Variants in TNFSF10 observed in about 807,000 individuals in gnomAD.
TNFSF10 encodes the protein TNF superfamily member 10, also known as tumor necrosis factor ligand superfamily member 10.
A neutral mutation model predicts 29.5 loss-of-function variants in TNFSF10; 13 were observed. The ratio of observed to expected loss-of-function variants is 0.44; its 90% confidence interval spans 0.29 to 0.70. The LOEUF is 0.70. TNFSF10 is among the 30% of genes least tolerant of loss of function. The pLI, the probability that TNFSF10 is intolerant of heterozygous loss-of-function variation, is 0.13. For synonymous variants in TNFSF10, 111 were observed against 112.8 expected (o/e 0.98, Z 0.10); for missense variants, 345 against 330.9 (o/e 1.04, Z -0.33).
intron 2 of TNFSF10, among the ~76,000 whole-genome samples, chr3:172,513,476 C>A (rs1007622772): frequency 3.3e-5 from 5 of 152,220 alleles, no homozygotes; most frequent in African/African-American, 1.2e-4. Context: ...GCCCCCCTGT[C>A]TGGAGCAATG....
rs113498374 is a variant in TNFSF10, at chr3:172,507,804, C to G, written c.419-885G>C. ...CCAAACCCCCAAACAAACTTTTTAT[C>G]TATTAACTGATGTCTGAAATATTTT... On this transcript the variant is annotated intron_variant, in intron 4 of 4. Transcript: ENST00000241261. Among the ~76,000 whole-genome samples the G allele has an allele frequency of 3.3e-3, 500 of 152,286 alleles. 5 individuals carry two copies. Among genetic ancestry groups the G allele is most frequent in the African/African-American group, 0.012 (486 of 41,554 alleles).
chr3:172,517,054 A>G (rs231986), intron 1 of TNFSF10, among the ~76,000 whole-genome samples: 128,310 of 152,236 alleles, frequency 0.84, 54,397 homozygotes, highest in East Asian at 1. Flanking sequence ...AGGTGTGCAT[A>G]ACACAGAAAG....
At chr3:172,507,005 T>C in intron 4 of TNFSF10, 86 bp from the exon 5 acceptor site, 5 of 1,248,792 alleles carry the variant, frequency 4.0e-6, no homozygotes, top group Non-Finnish European at 5.4e-6. Context: ...GGCCAGCCTA[T>C]ATTTTTGTTG....
rs549928566 is a variant in TNFSF10 at position 172,505,546 on chromosome 3, A to G, written c.*946T>C. On this transcript the variant is annotated 3_prime_UTR_variant, in exon 5 of 5. Transcript: ENST00000241261. Reference sequence around the variant, plus strand: ...AAAGTAAGAAATTTATTTCTTCTGTAATATGTGTCAAAGATATTATGAAAA... The same window carrying G: ...AAAGTAAGAAATTTATTTCTTCTGTGATATGTGTCAAAGATATTATGAAAA... 1 of 152,076 alleles carries G rather than the reference A, an allele frequency of 6.6e-6. No homozygotes were observed. The highest frequency in any genetic ancestry group is 1.5e-5 in the Non-Finnish European group (1 of 68,010). 9.4% of individuals were successfully genotyped at this position (152,076 alleles called of 1,614,324 possible).
intron 4 of TNFSF10, 92 bp from the exon 5 acceptor site, chr3:172,507,011 TG>T: frequency 1.7e-6 from 2 of 1,148,166 alleles, no homozygotes; most frequent in South Asian, 3.3e-5. Context: ...CCTATATTTT[TG>T]TTGGGCTTGC....
In TNFSF10 at chr3:172,517,836, T is replaced by A. The variant is rs980694103; in HGVS notation, c.133-2838A>T. 8.1e-6 allele frequency: 8 copies of A among 984,338 alleles called. No homozygotes were observed. In the Admixed American group the frequency reaches 3.7e-4, roughly 45 times the overall value. The allele number at this position is 984,338 out of a possible 1,614,324, so 61.0% of individuals were successfully genotyped here. ...TACCCATAATCATACCATCTAGAGA[T>A]CACATTGTCATTTTGGTGTTTCTCT... On this transcript the variant is annotated intron_variant, in intron 1 of 4. Transcript: ENST00000241261.
chr3:172,522,163 C>T (rs964096242), intron 1 of TNFSF10: 2 of 344,634 alleles, frequency 5.8e-6, no homozygotes, highest in African/African-American at 4.3e-5. Context: ...ACCTATGTAA[C>T]AAACCTGCAC....
chr3:172,522,076 A>T (rs1451513770), intron 1 of TNFSF10, among the ~76,000 whole-genome samples: 3 of 36,244 alleles, frequency 8.3e-5, no homozygotes, highest in African/African-American at 2.7e-4. Context: ...GAGCATTAGA[A>T]CAAATCCTAA....
intron 2 of TNFSF10, among the ~76,000 whole-genome samples, chr3:172,512,556 G>A (rs1218299935): frequency 1.2e-4 from 18 of 152,196 alleles, no homozygotes; most frequent in South Asian, 6.2e-4. Context: ...CCCTGATGCC[G>A]GATAATGGGG....
At chr3:172,508,726 C>T (rs559449393) in intron 4 of TNFSF10, among the ~76,000 whole-genome samples, 1 of 152,030 alleles carries the variant, frequency 6.6e-6, no homozygotes, top group Non-Finnish European at 1.5e-5. Flanking sequence ...CCCATCTCTA[C>T]TAAAAATACA....
chr3:172,521,700 A>C (rs1417343610), intron 1 of TNFSF10, among the ~76,000 whole-genome samples: 1 of 152,232 alleles, frequency 6.6e-6, no homozygotes, highest in Non-Finnish European at 1.5e-5. Context: ...CTGGGTATAT[A>C]CCCAAAGGAT....
Position 172,509,600 on chromosome 3 carries a change from C to A in TNFSF10, c.314-279G>T, listed in dbSNP as rs377072934. Among the ~76,000 whole-genome samples, 22 of 152,254 alleles carry A rather than the reference C, an allele frequency of 1.4e-4. 1 individual carries two copies. Among genetic ancestry groups the A allele is most frequent in the East Asian group, 5.8e-4 (3 of 5,186 alleles). ...TCCAAAGAGAAACAAAGTGAAGATA[C>A]AACAAAGTGAAGATTCTATCCCTTT... On this transcript the variant is annotated intron_variant, in intron 3 of 4. Transcript: ENST00000241261.
chr3:172,506,591 C>T lies in TNFSF10; in HGVS notation c.747G>A (p.Glu249=). 1 of 1,614,122 alleles carries T rather than the reference C, an allele frequency of 6.2e-7. No individual in the cohort carries two copies. The highest frequency in any genetic ancestry group is 8.5e-7 in the Non-Finnish European group (1 of 1,180,008). ...CAAAAATTCTGTCATTTTCCTTAAG[C>T]TCAAATATTCCCCCTTGATAGATGG... is the stretch of plus-strand genomic sequence containing the variant. ...LYSIYQGGIF[E]LKENDRIFVS... is the part of the protein sequence containing the mutation. Residue 249 remains glutamate (E), a synonymous_variant, in exon 5 of 5, where the codon GAG becomes GAA. Coordinates refer to ENST00000241261, the MANE Select transcript of TNFSF10 (RefSeq NM_003810.4).
intron 2 of TNFSF10, among the ~76,000 whole-genome samples, chr3:172,511,959 G>A (rs534593527): frequency 1.0e-3 from 155 of 152,326 alleles, no homozygotes; most frequent in African/African-American, 3.0e-3. Context: ...GAAGCCATCC[G>A]CCATGTGATG....
chr3:172,507,075 T>C (rs962299891), intron 4 of TNFSF10, among the ~76,000 whole-genome samples, 156 bp from the exon 5 acceptor site: 21 of 152,188 alleles, frequency 1.4e-4, no homozygotes, highest in African/African-American at 4.8e-4. Context: ...TTAATGTGGA[T>C]TATAAATTCT....
intron 2 of TNFSF10, among the ~76,000 whole-genome samples, chr3:172,512,772 G>T (rs1713277071): frequency 6.6e-6 from 1 of 152,210 alleles, no homozygotes; most frequent in Admixed American, 6.5e-5. Flanking sequence ...AAAAAGAAAA[G>T]GGTCTTTCCT....
At chr3:172,520,210 C>T (rs542837354) in intron 1 of TNFSF10, among the ~76,000 whole-genome samples, 6 of 152,214 alleles carry the variant, frequency 3.9e-5, no homozygotes, top group East Asian at 1.9e-4. Flanking sequence ...GGGTTTTCAT[C>T]GAGAAAATCA....
intron 2 of TNFSF10, among the ~76,000 whole-genome samples, chr3:172,513,784 G>A (rs1713323918): frequency 6.6e-6 from 1 of 151,860 alleles, no homozygotes; most frequent in African/African-American, 2.4e-5. Context: ...AGTTTACAGA[G>A]TATTTTTATA....
chr3:172,511,617 C>T lies in TNFSF10; in HGVS notation c.313G>A (p.Glu105Lys). 1.2e-6 allele frequency: 2 copies of T among 1,609,658 alleles called. No homozygotes were observed. The highest frequency in any genetic ancestry group is 1.7e-6 in the Non-Finnish European group (2 of 1,178,120). ...TSEETISTVQ[E>K]KQQNISPLVR... Reference sequence around the variant, plus strand: ...AAAATAACAACAAAAAAGATACTACCTTGAACTGTAGAAATGGTTTCCTCA... The same window carrying T: ...AAAATAACAACAAAAAAGATACTACTTTGAACTGTAGAAATGGTTTCCTCA... Residue 105 changes from glutamate to lysine, a missense_variant and splice_region_variant, in exon 3 of 5, where the codon GAA (glutamate) becomes AAA (lysine). Glu to Lys is a moderately conservative substitution (Grantham distance 56, BLOSUM62 1). Transcript: ENST00000241261.
Sources: allele counts gnomAD v4.1 joint callset (sites outside exome capture counted in the v4.1 genomes callset), GRCh38; gene constraint gnomAD v4.1.1; transcripts MANE v1.5; gene names NCBI Gene and HGNC (gene_info 2026-07-23, HGNC 2026-07-21).